The following NELL1 variants were observed in gnomAD, a reference collection of about 807,000 sequenced individuals.
NELL1 encodes the protein protein kinase C-binding protein NELL1.
In NELL1, 76 loss-of-function variants were observed where a neutral mutation model predicts 107.4. The observed-to-expected ratio is 0.71, with a 90% CI of 0.59 to 0.86. The LOEUF (loss-of-function observed/expected upper bound fraction) is 0.86. Among genes scored for constraint, NELL1 ranks in the 40% least tolerant of loss-of-function variants. The pLI is 0.00. For synonymous variants in NELL1, 353 were observed against 341.2 expected (o/e 1.03, Z -0.38); for missense variants, 1,024 against 1,005.5 (o/e 1.02, Z -0.25).
At chr11:21,160,540 G>C (rs1297294576) in intron 13 of NELL1, among the ~76,000 whole-genome samples, 1 of 152,124 alleles carries the variant, frequency 6.6e-6, no homozygotes, top group Non-Finnish European at 1.5e-5. Flanking sequence ...TTAGACTCTG[G>C]AATCCATTAG....
chr11:21,133,937 C>G (rs1855683835), intron 13 of NELL1, among the ~76,000 whole-genome samples: 1 of 152,232 alleles, frequency 6.6e-6, no homozygotes, highest in East Asian at 1.9e-4. Context: ...CTCTTGCAGG[C>G]TCCATGGGGC....
chr11:21,074,707 A>G (rs926984833), intron 12 of NELL1, among the ~76,000 whole-genome samples: 10 of 152,064 alleles, frequency 6.6e-5, no homozygotes, highest in Non-Finnish European at 1.5e-4. Flanking sequence ...TTACTTAGAT[A>G]TAATTTATAT....
chr11:21,421,909 C>T (rs1852682788), intron 15 of NELL1, among the ~76,000 whole-genome samples: 1 of 152,178 alleles, frequency 6.6e-6, no homozygotes, highest in Non-Finnish European at 1.5e-5. Flanking sequence ...AGAAGTGACT[C>T]ATCACATGTG....
At chr11:20,775,268 A>T (rs1856727577) in intron 2 of NELL1, among the ~76,000 whole-genome samples, 1 of 152,162 alleles carries the variant, frequency 6.6e-6, no homozygotes, top group African/African-American at 2.4e-5. Context: ...GTTACCATAG[A>T]CTTGGTATGA....
At position 20,866,951 on chromosome 11, in the gene NELL1, G is replaced by T. The variant is rs572193725; in HGVS notation, c.507-18493G>T. On this transcript the variant is annotated intron_variant, in intron 4 of 19. Transcript: ENST00000357134. ...GGACATTCAACAATATTTGTTGAAT[G>T]AATAAATGAGAGAAGGATTACTATG... Among the ~76,000 whole-genome samples, 238 of 152,300 alleles carry T rather than the reference G, an allele frequency of 1.6e-3. 1 individual carries two copies. The highest frequency in any genetic ancestry group is 5.6e-3 in the African/African-American group (232 of 41,548).
chr11:21,258,487 A>G (rs1565134141), intron 14 of NELL1, among the ~76,000 whole-genome samples: 2 of 151,976 alleles, frequency 1.3e-5, no homozygotes, highest in Non-Finnish European at 2.9e-5. Context: ...GTCTCATGCA[A>G]TTATGAAGGC....
intron 13 of NELL1, among the ~76,000 whole-genome samples, chr11:21,160,047 A>G (rs1856328369): frequency 6.6e-6 from 1 of 152,220 alleles, no homozygotes; most frequent in African/African-American, 2.4e-5. Context: ...TGTAACTCAA[A>G]GAGCAACCAC....
intron 12 of NELL1, among the ~76,000 whole-genome samples, chr11:21,066,484 C>T (rs1409854675): frequency 6.6e-6 from 1 of 152,160 alleles, no homozygotes; most frequent in Non-Finnish European, 1.5e-5. Context: ...ACTTTTCAAT[C>T]CACAGCTTTT....
At chr11:21,506,189 A>G (rs938089799) in intron 15 of NELL1, among the ~76,000 whole-genome samples, 1 of 152,212 alleles carries the variant, frequency 6.6e-6, no homozygotes, top group African/African-American at 2.4e-5. Context: ...AGAATTGTCA[A>G]TTTGACTACC....
chr11:21,382,630 A>G (rs1851639874), intron 15 of NELL1, among the ~76,000 whole-genome samples: 1 of 151,916 alleles, frequency 6.6e-6, no homozygotes, highest in African/African-American at 2.4e-5. Context: ...ATTTTGGTCT[A>G]TTTCAAATAG....
At chr11:21,252,131 C>T (rs527406642) in intron 14 of NELL1, among the ~76,000 whole-genome samples, 1 of 152,254 alleles carries the variant, frequency 6.6e-6, no homozygotes, top group African/African-American at 2.4e-5. Flanking sequence ...ACAACAGAGA[C>T]TTAGTAGCTA....
intron 13 of NELL1, among the ~76,000 whole-genome samples, chr11:21,196,228 T>C (rs181572919): frequency 2.0e-4 from 31 of 152,308 alleles, no homozygotes; most frequent in African/African-American, 6.7e-4. Flanking sequence ...GAGCATGTGC[T>C]GTGATATGCC....
intron 3 of NELL1, among the ~76,000 whole-genome samples, chr11:20,825,845 C>A (rs1046219429): frequency 6.0e-5 from 9 of 151,080 alleles, no homozygotes; most frequent in African/African-American, 2.2e-4. Context: ...CTGGGAGGGG[C>A]CAGGGGTGGA....
In NELL1 at chr11:21,539,090, T is replaced by G. The variant is rs181230508; in HGVS notation, c.1786+4576T>G. ...ATTCTCAAAACTGTGTCATGGTAGA[T>G]TCACTGGAGTAGTGAAACGGCAGAG... On this transcript the variant is annotated intron_variant, in intron 16 of 19. Coordinates refer to ENST00000357134, the MANE Select transcript of NELL1 (RefSeq NM_006157.5). Among the ~76,000 whole-genome samples the G allele has an allele frequency of 3.1e-4, 47 of 152,242 alleles. No individual in the cohort carries two copies. In the South Asian group the frequency reaches 7.3e-3, roughly 24 times the overall value.
chr11:21,173,839 A>T (rs1211802145), intron 13 of NELL1, among the ~76,000 whole-genome samples: 1 of 151,574 alleles, frequency 6.6e-6, no homozygotes, highest in Non-Finnish European at 1.5e-5. Context: ...CCTAGTGTGG[A>T]GGTCTTTGTT....
At chr11:21,240,278 T>C (rs967457620) in intron 14 of NELL1, among the ~76,000 whole-genome samples, 1 of 152,062 alleles carries the variant, frequency 6.6e-6, no homozygotes, top group African/African-American at 2.4e-5. Context: ...TGTTAGGCAA[T>C]GTTAAAATAA....
intron 15 of NELL1, among the ~76,000 whole-genome samples, chr11:21,388,625 A>C (rs1319498495): frequency 1.3e-5 from 2 of 151,868 alleles, no homozygotes; most frequent in Non-Finnish European, 2.9e-5. Flanking sequence ...ATGTAAGTTC[A>C]TTCTAATATG....
chr11:21,323,652 A>C (rs1013781112), intron 14 of NELL1, among the ~76,000 whole-genome samples: 5 of 152,090 alleles, frequency 3.3e-5, no homozygotes, highest in Admixed American at 1.3e-4. Flanking sequence ...GTCACCTCAA[A>C]AAAAGCCTTT....
chr11:20,859,337 G>A (rs1463702028), intron 4 of NELL1, among the ~76,000 whole-genome samples: 1 of 152,170 alleles, frequency 6.6e-6, no homozygotes, highest in Non-Finnish European at 1.5e-5. Flanking sequence ...GTTGTTTTTA[G>A]ATTCAAAGAC....
Sources: gnomAD v4.1 joint callset for allele counts (sites outside exome capture counted in the v4.1 genomes callset) on GRCh38, gnomAD v4.1.1 for gene constraint, MANE v1.5 for transcripts, NCBI Gene and HGNC (gene_info 2026-07-23, HGNC 2026-07-21) for gene names.